The following HERC3 variants were observed in gnomAD, a reference collection of about 807,000 sequenced individuals.
The protein encoded by HERC3 is probable E3 ubiquitin-protein ligase HERC3.
Under a neutral mutation model 129.9 loss-of-function variants are expected in HERC3, and 58 were observed. That is an observed-to-expected ratio of 0.45 (90% CI 0.36 to 0.56). The LOEUF is 0.56. Among genes scored for constraint, HERC3 ranks in the 20% least tolerant of loss-of-function variants. The pLI is 0.00. For missense variants in HERC3, 835 were observed against 1,244.2 expected, an observed-to-expected ratio of 0.67 and a Z score of 4.95; for synonymous variants, 430 against 451.0, an observed-to-expected ratio of 0.95 and a Z score of 0.59.
At chr4:88,690,623 A>C in intron 23 of HERC3, 1 of 985,272 alleles carries the variant, frequency 1.0e-6, no homozygotes, top group Non-Finnish European at 1.2e-6. Context: ...GACCTAGTGC[A>C]GGAATAGGCA....
chr4:88,692,316 C>T (rs961065978), intron 23 of HERC3, among the ~76,000 whole-genome samples: 1 of 126,694 alleles, frequency 7.9e-6, no homozygotes, highest in Non-Finnish European at 1.6e-5. Flanking sequence ...CCATTTTCCC[C>T]ATATTAAAAA....
At chr4:88,620,582 C>T (rs1725406837) in intron 3 of HERC3, among the ~76,000 whole-genome samples, 1 of 152,148 alleles carries the variant, frequency 6.6e-6, no homozygotes, top group Non-Finnish European at 1.5e-5. Flanking sequence ...CCTCTCTGGT[C>T]CAAGTTACCA....
intron 21 of HERC3, among the ~76,000 whole-genome samples, chr4:88,683,343 AT>A (rs1733019704): frequency 6.6e-6 from 1 of 152,204 alleles, no homozygotes; most frequent in Non-Finnish European, 1.5e-5. Flanking sequence ...TATCCCTCTC[AT>A]ATAGGACACC....
At chr4:88,700,849 G>A (rs190500027) in intron 23 of HERC3, among the ~76,000 whole-genome samples, 122 of 152,288 alleles carry the variant, frequency 8.0e-4, no homozygotes, top group African/African-American at 2.8e-3. Context: ...ACAGTCTGGA[G>A]GGAGAATTCT....
chr4:88,627,997 C>T (rs984695689), intron 3 of HERC3, among the ~76,000 whole-genome samples: 3 of 151,420 alleles, frequency 2.0e-5, no homozygotes, highest in South Asian at 4.2e-4. Flanking sequence ...AGTGCATCAA[C>T]GATCAAAAAG....
At chr4:88,584,299 T>G in the HERC3 span, among the ~76,000 whole-genome samples, 2 of 152,184 alleles carry the variant, frequency 1.3e-5, no homozygotes, top group African/African-American at 4.8e-5. Context: ...CAGGTAGACA[T>G]GAATTTGAAG....
At chr4:88,604,551 G>T (rs961091816) in intron 2 of HERC3, among the ~76,000 whole-genome samples, 8 of 152,132 alleles carry the variant, frequency 5.3e-5, no homozygotes, top group Admixed American at 4.6e-4. Context: ...CATATAATTT[G>T]TGGACTTTTG....
At chr4:88,543,906 T>C in the HERC3 span, among the ~76,000 whole-genome samples, 24 of 152,166 alleles carry the variant, frequency 1.6e-4, no homozygotes, top group Non-Finnish European at 1.0e-4. Flanking sequence ...TTACACCTTA[T>C]ACAAAAATTA....
the HERC3 span, among the ~76,000 whole-genome samples, chr4:88,544,442 GAA>G: frequency 6.6e-6 from 1 of 152,212 alleles, no homozygotes; most frequent in African/African-American, 2.4e-5. Context: ...AGGATGTGGA[GAA>G]ATAGGAACAC....
intron 23 of HERC3, among the ~76,000 whole-genome samples, chr4:88,691,184 A>G (rs1435675295): frequency 6.6e-6 from 1 of 152,230 alleles, no homozygotes; most frequent in Non-Finnish European, 1.5e-5. Flanking sequence ...TACTGTGTTC[A>G]AGATGTACAG....
chr4:88,540,422 G>A, the HERC3 span, among the ~76,000 whole-genome samples: 1 of 152,204 alleles, frequency 6.6e-6, no homozygotes, highest in Non-Finnish European at 1.5e-5. Flanking sequence ...AATGAACAAA[G>A]CATCCGAGAA....
chr4:88,590,423 G>T (rs952792957), upstream of HERC3, among the ~76,000 whole-genome samples: 5 of 152,212 alleles, frequency 3.3e-5, no homozygotes, highest in African/African-American at 1.2e-4. Context: ...GCCGGGCGTT[G>T]TGGTGGGCGC....
the HERC3 span, among the ~76,000 whole-genome samples, chr4:88,583,451 A>T: frequency 1.3e-5 from 2 of 152,106 alleles, no homozygotes; most frequent in Non-Finnish European, 2.9e-5. Context: ...AAAAAAAAAA[A>T]AGTAAAAAAA....
At chr4:88,623,633 C>T (rs925940485) in intron 3 of HERC3, among the ~76,000 whole-genome samples, 11 of 152,292 alleles carry the variant, frequency 7.2e-5, no homozygotes, top group East Asian at 1.9e-4. Flanking sequence ...TTGTGATAAA[C>T]GTTGACCATC....
chr4:88,601,193 T>G (rs192129912), intron 2 of HERC3, among the ~76,000 whole-genome samples: 1 of 152,324 alleles, frequency 6.6e-6, no homozygotes, highest in Non-Finnish European at 1.5e-5. Context: ...GACAGCAAAT[T>G]GAGATTCAGT....
the HERC3 span, among the ~76,000 whole-genome samples, chr4:88,527,365 CCT>C: frequency 6.6e-5 from 10 of 152,038 alleles, no homozygotes; most frequent in African/African-American, 2.4e-4. Context: ...AATCCTCCCA[CCT>C]CAGCTTCCTG....
chr4:88,686,595 G>A, intron 21 of HERC3, 141 bp from the exon 22 acceptor site: 1 of 572,364 alleles, frequency 1.7e-6, no homozygotes, highest in Admixed American at 2.9e-5. Context: ...ATGATTTTCT[G>A]TCCGTCCGGA....
Position 88,667,397 on chromosome 4 carries a change from C to T in HERC3, c.1352C>T (p.Thr451Met), listed in dbSNP as rs1486123639. The T allele has an allele frequency of 3.1e-6, 5 of 1,599,350 alleles. No individual in the cohort carries two copies. The African/African-American group carries it at 4.0e-5, about 13-fold the overall frequency. ...TTTAGAATTGATGAACATTTTAAAA[C>T]GAGTCCCAAAATCCCTGGGATTGAC... ...LEKKIDEHFK[T>M]SPKIPGIDLN... Residue 451 changes from threonine to methionine, a missense_variant, in exon 13 of 26, where the codon ACG (threonine) becomes ATG (methionine). By Grantham distance (81) the Thr-to-Met change is moderately conservative (BLOSUM62 -1). Transcript: ENST00000402738.
chr4:88,534,842 T>C, the HERC3 span, among the ~76,000 whole-genome samples: 2 of 152,224 alleles, frequency 1.3e-5, no homozygotes, highest in African/African-American at 4.8e-5. Flanking sequence ...TTGTGTGTGT[T>C]TTCAATGACT....
Sources: gnomAD v4.1 joint callset for allele counts (sites outside exome capture counted in the v4.1 genomes callset) on GRCh38, gnomAD v4.1.1 for gene constraint, MANE v1.5 for transcripts, NCBI Gene and HGNC (gene_info 2026-07-23, HGNC 2026-07-21) for gene names.